Variants in WWOX observed in about 807,000 individuals in gnomAD.
WWOX encodes WW domain-containing oxidoreductase.
Under a neutral mutation model 46.2 loss-of-function variants are expected in WWOX, and 69 were observed. That is an observed-to-expected ratio of 1.49 (90% confidence interval 1.23 to 1.82). The LOEUF (loss-of-function observed/expected upper bound fraction) is 1.82, where lower values mean the gene tolerates loss of function less well. Ranked by LOEUF, WWOX falls within the 40% of genes most tolerant of loss-of-function variation. The pLI, the probability that WWOX is intolerant of heterozygous loss-of-function variation, is 0.00. For missense variants in WWOX, 919 were observed against 542.6 expected, an observed-to-expected ratio of 1.69 and a Z score of -6.89; for synonymous variants, 359 against 202.6, an observed-to-expected ratio of 1.77 and a Z score of -6.56.
chr16:79,033,274 A>T (rs2047801255), intron 8 of WWOX, among the ~76,000 whole-genome samples: 1 of 148,018 alleles, frequency 6.8e-6, no homozygotes, highest in Admixed American at 6.8e-5. Context: ...TGCCCCCACC[A>T]AATATTTATA....
intron 5 of WWOX, among the ~76,000 whole-genome samples, chr16:78,180,974 CCTT>C (rs2035515123): frequency 1.3e-5 from 2 of 152,104 alleles, no homozygotes; most frequent in African/African-American, 4.8e-5. Flanking sequence ...AGTATAAAAA[CCTT>C]CTTGTTTTCT....
intron 8 of WWOX, among the ~76,000 whole-genome samples, chr16:78,548,904 G>C (rs928981740): frequency 1.8e-4 from 28 of 152,156 alleles, no homozygotes; most frequent in African/African-American, 6.5e-4. Flanking sequence ...CCTAGTTTTT[G>C]TAAAGAAGGT....
intron 8 of WWOX, among the ~76,000 whole-genome samples, chr16:79,001,938 AG>A (rs1220139230): frequency 1.3e-5 from 2 of 152,170 alleles, no homozygotes; most frequent in Non-Finnish European, 2.9e-5. Context: ...ACTGGAGGGA[AG>A]AAAAAAAGAT....
At chr16:79,083,968 G>A (rs975883309) in intron 8 of WWOX, among the ~76,000 whole-genome samples, 2 of 152,084 alleles carry the variant, frequency 1.3e-5, no homozygotes, top group Admixed American at 6.6e-5. Context: ...TCTGACTCCC[G>A]ATCGGAGCCC....
chr16:79,136,179 A>G (rs2049978236), intron 8 of WWOX, among the ~76,000 whole-genome samples: 1 of 152,036 alleles, frequency 6.6e-6, no homozygotes, highest in Non-Finnish European at 1.5e-5. Flanking sequence ...GAAAGCGTCC[A>G]GGTGAGAGTC....
At chr16:78,310,056 T>C (rs991686757) in intron 5 of WWOX, among the ~76,000 whole-genome samples, 1 of 148,918 alleles carries the variant, frequency 6.7e-6, no homozygotes, top group Non-Finnish European at 1.5e-5. Context: ...TCCTCCTCCT[T>C]CCCCCTCCTT....
chr16:78,440,749 G>A (rs1343603917), intron 8 of WWOX, among the ~76,000 whole-genome samples: 3 of 151,726 alleles, frequency 2.0e-5, no homozygotes, highest in Non-Finnish European at 1.5e-5. Flanking sequence ...CTCCCAAGTA[G>A]CTGGGATTAC....
chr16:78,776,129 G>A (rs1375047570), intron 8 of WWOX, among the ~76,000 whole-genome samples: 1 of 152,226 alleles, frequency 6.6e-6, no homozygotes, highest in Non-Finnish European at 1.5e-5. Context: ...AAAAGGGAGA[G>A]AAGGGAATGC....
chr16:78,329,554 A>C (rs2080709579), intron 5 of WWOX, among the ~76,000 whole-genome samples: 1 of 152,160 alleles, frequency 6.6e-6, no homozygotes, highest in Non-Finnish European at 1.5e-5. Flanking sequence ...CCAAGTTGCA[A>C]GGTCTTTGGA....
chr16:78,346,696 T>C lies in WWOX; in HGVS notation c.517-40164T>C, dbSNP rs556013891. Among the ~76,000 whole-genome samples the C allele has an allele frequency of 5.9e-5, 7 of 119,658 alleles. 2 individuals carry two copies. The South Asian group carries it at 1.8e-3, about 30-fold the overall frequency. 78.5% of individuals were successfully genotyped at this position (119,658 alleles called of 152,430 possible). ...GAAAACTATGCTTATTGCTCATATC[T>C]ATGTTATTTTATTATTTACTTTTTT... On this transcript the variant is annotated intron_variant, in intron 5 of 8. Coordinates refer to ENST00000566780, the MANE Select transcript of WWOX (RefSeq NM_016373.4).
intron 8 of WWOX, among the ~76,000 whole-genome samples, chr16:79,125,649 A>T (rs1029778589): frequency 2.6e-5 from 4 of 152,018 alleles, no homozygotes; most frequent in Admixed American, 1.3e-4. Flanking sequence ...CTGGGCCATA[A>T]CTCTAGAGCA....
chr16:79,043,257 A>C (rs150843412), intron 8 of WWOX, among the ~76,000 whole-genome samples: 2 of 152,178 alleles, frequency 1.3e-5, no homozygotes, highest in African/African-American at 2.4e-5. Context: ...AAACTTTACA[A>C]TGAACTTCGT....
chr16:79,175,631 C>G (rs548882151), intron 8 of WWOX, among the ~76,000 whole-genome samples: 2 of 152,320 alleles, frequency 1.3e-5, no homozygotes, highest in South Asian at 4.1e-4. Context: ...CTGTGTCTAA[C>G]TCAGCTGTGA....
intron 8 of WWOX, among the ~76,000 whole-genome samples, chr16:78,806,018 A>G (rs892294620): frequency 1.3e-5 from 2 of 152,338 alleles, no homozygotes; most frequent in South Asian, 4.2e-4. Context: ...AAGCCAAATA[A>G]TGAATTAATC....
At chr16:78,152,786 A>C (rs1214122475) in intron 4 of WWOX, among the ~76,000 whole-genome samples, 2 of 152,248 alleles carry the variant, frequency 1.3e-5, no homozygotes, top group Non-Finnish European at 2.9e-5. Context: ...TTTATTGTAC[A>C]GCTTTACAAA....
chr16:78,412,327 C>G (rs1367515255), intron 6 of WWOX, among the ~76,000 whole-genome samples: 1 of 152,052 alleles, frequency 6.6e-6, no homozygotes, highest in South Asian at 2.1e-4. Context: ...TAGATTTAGG[C>G]ATGTTGACCC....
chr16:78,262,698 C>T (rs1296590214), intron 5 of WWOX, among the ~76,000 whole-genome samples: 1 of 152,172 alleles, frequency 6.6e-6, no homozygotes, highest in Non-Finnish European at 1.5e-5. Flanking sequence ...GATATTTAGA[C>T]TTACAGACCT....
intron 8 of WWOX, chr16:78,895,344 C>G (rs1350424172): frequency 1.3e-5 from 2 of 152,174 alleles, no homozygotes; most frequent in African/African-American, 4.8e-5. Flanking sequence ...ATCTTCCTTT[C>G]TCATTCCCAG....
At chr16:78,849,838 C>T (rs944764121) in intron 8 of WWOX, among the ~76,000 whole-genome samples, 5 of 152,058 alleles carry the variant, frequency 3.3e-5, no homozygotes, top group South Asian at 2.1e-4. Context: ...TTTGGGAGGC[C>T]GAGGTGGTCA....
Sources: allele counts gnomAD v4.1 joint callset (sites outside exome capture counted in the v4.1 genomes callset), GRCh38; gene constraint gnomAD v4.1.1; transcripts MANE v1.5; gene names NCBI Gene and HGNC (gene_info 2026-07-23, HGNC 2026-07-21).